ARFGAP1: variants seen among roughly 807,000 people sequenced by gnomAD.
The protein encoded by ARFGAP1 is ARF GTPase activating protein 1, also known as ADP-ribosylation factor GTPase-activating protein 1.
In ARFGAP1, 26 loss-of-function variants were observed where a neutral mutation model predicts 54.0. The observed-to-expected ratio is 0.48, with a 90% CI of 0.35 to 0.67. The LOEUF (loss-of-function observed/expected upper bound fraction) is 0.67, where lower values mean the gene tolerates loss of function less well. Among genes scored for constraint, ARFGAP1 ranks in the 30% least tolerant of loss-of-function variants. The pLI is 0.00. For missense variants in ARFGAP1, 525 were observed against 535.8 expected, an observed-to-expected ratio of 0.98 and a Z score of 0.20; for synonymous variants, 248 against 211.9, an observed-to-expected ratio of 1.17 and a Z score of -1.48.
chr20:63,283,916 T>C, intron 9 of ARFGAP1: 1 of 1,611,340 alleles, frequency 6.2e-7, no homozygotes, highest in South Asian at 1.1e-5. Flanking sequence ...GCCGCCCGCA[T>C]CTCCGCCGAG....
In ARFGAP1 at chr20:63,278,937, C is replaced by T. The variant is rs1294273774; in HGVS notation, c.569C>T (p.Pro190Leu). 4 of 1,614,020 alleles carry T rather than the reference C, an allele frequency of 2.5e-6. No individual in the cohort carries two copies. In the African/African-American group the frequency reaches 5.3e-5, roughly 22 times the overall value. ...GNRYVGFGNTPPPQKKEDDFL... is the reference protein window; with the variant it reads ...GNRYVGFGNTLPPQKKEDDFL... ...CGCTACGTGGGGTTTGGGAACACGC[C>T]ACCGCCTCAGAAGAAAGAAGATGAC... The change falls in exon 7 of 13, where the codon CCA (proline) becomes CTA (leucine). Residue 190 changes from proline (P) to leucine (L), a missense_variant. This residue lies in a region of ARFGAP1 where 466 missense variants were observed against 453.6 expected (regional missense o/e 1.03). Transcript: ENST00000370283.
intron 9 of ARFGAP1, chr20:63,283,599 A>G (rs2067443477): frequency 2.0e-6 from 1 of 494,404 alleles, no homozygotes; most frequent in East Asian, 3.4e-5. Context: ...GCCCACCCCC[A>G]GCTGCAGGGA....
In ARFGAP1 at chr20:63,285,646, C is replaced by T. The variant is rs759726575; in HGVS notation, c.775-8C>T. On this transcript the variant is annotated splice_region_variant and splice_polypyrimidine_tract_variant and intron_variant, in intron 10 of 12. Coordinates refer to ENST00000370283, the MANE Select transcript of ARFGAP1 (RefSeq NM_018209.4). ...CCCCCATTAATGCCGCTGTCTTCATCCGTGCAGGTGAAGGAGGGAAAGATT... is the reference window on the plus strand; with the variant it reads ...CCCCCATTAATGCCGCTGTCTTCATTCGTGCAGGTGAAGGAGGGAAAGATT... The T allele has an allele frequency of 3.1e-6, 5 of 1,613,422 alleles. No individual in the cohort carries two copies. The highest frequency in any genetic ancestry group is 1.7e-5 in the Admixed American group (1 of 60,028).
At position 63,276,633 on chromosome 20, in the gene ARFGAP1, G is replaced by A. The variant is rs373697939; in HGVS notation, c.324G>A (p.Ala108=). ...AGGAGAAGTACAACAGCAGAGCCGC[G>A]GCCCTCTTTAGGGATAAGGTAGAGA... ...SLQEKYNSRA[A]ALFRDKVVAL... is the part of the protein sequence containing the mutation. Residue 108 remains alanine (A), a synonymous_variant, in exon 4 of 13, where the codon GCG becomes GCA. Transcript: ENST00000370283. This position sits in a 1 kb window ranked among gnomAD's most constrained non-coding sequence, Gnocchi z 5.2. 95 of 1,611,426 alleles carry A rather than the reference G, an allele frequency of 5.9e-5. No homozygotes were observed. The highest frequency in any genetic ancestry group is 5.0e-5 in the Admixed American group (3 of 59,828).
At position 63,276,473 on chromosome 20, in the gene ARFGAP1, T is replaced by A; in HGVS notation, c.171-7T>A. The A allele has an allele frequency of 6.2e-7, 1 of 1,608,180 alleles. No individual in the cohort carries two copies. Among genetic ancestry groups the A allele is most frequent in the Non-Finnish European group, 8.5e-7 (1 of 1,176,496 alleles). ...CTGGTTGATCTGCTCGATCCTCTGCTTTCCAGCTTTGTGCGCTCTGTTACT... is the reference window on the plus strand; with the variant it reads ...CTGGTTGATCTGCTCGATCCTCTGCATTCCAGCTTTGTGCGCTCTGTTACT... On this transcript the variant is annotated splice_polypyrimidine_tract_variant and splice_region_variant and intron_variant, in intron 3 of 12. Coordinates refer to ENST00000370283, the MANE Select transcript of ARFGAP1 (RefSeq NM_018209.4). This position sits in a 1 kb window ranked among gnomAD's most constrained non-coding sequence, Gnocchi z 5.2.
At chr20:63,284,973 C>G in intron 10 of ARFGAP1, 51 bp downstream of exon 10, 2 of 1,600,894 alleles carry the variant, frequency 1.2e-6, no homozygotes, top group East Asian at 4.5e-5. Context: ...CTCCAGGGGA[C>G]GTGGGTGTGT....
chr20:63,281,854 C>T (rs1183314944), intron 8 of ARFGAP1, among the ~76,000 whole-genome samples: 1 of 152,146 alleles, frequency 6.6e-6, no homozygotes, highest in Non-Finnish European at 1.5e-5. Context: ...GCATGGGCCC[C>T]CGGGGGCTGG....
At chr20:63,282,505 G>A (rs1414986214) in intron 8 of ARFGAP1, among the ~76,000 whole-genome samples, 2 of 152,228 alleles carry the variant, frequency 1.3e-5, no homozygotes, top group East Asian at 3.8e-4. Context: ...GCTCCAGCAG[G>A]CCCCGGCCCT....
At chr20:63,283,767 T>C in intron 9 of ARFGAP1, 11 of 1,508,774 alleles carry the variant, frequency 7.3e-6, no homozygotes, top group Non-Finnish European at 7.3e-6. Context: ...CGGCACCCCA[T>C]GGTGGGTTCG....
At chr20:63,287,500 A>G in intron 12 of ARFGAP1, 64 bp from the exon 13 acceptor site, 1 of 1,464,424 alleles carries the variant, frequency 6.8e-7, no homozygotes, top group Non-Finnish European at 9.2e-7. Context: ...TCTCGGGGGC[A>G]CAGAATTCCC....
chr20:63,288,428 G>A lies in ARFGAP1; in HGVS notation c.*555G>A, dbSNP rs1181265322. 8.8e-6 allele frequency: 4 copies of A among 456,106 alleles called. No homozygotes were observed. Among genetic ancestry groups the A allele is most frequent in the East Asian group, 1.4e-4 (2 of 14,390 alleles). The allele number at this position is 456,106 out of a possible 1,614,324, so 28.3% of individuals were successfully genotyped here. On this transcript the variant is annotated 3_prime_UTR_variant, in exon 13 of 13. Coordinates refer to ENST00000370283, the MANE Select transcript of ARFGAP1 (RefSeq NM_018209.4). ...CCCGAGTCCACGCCTGCCTGGGCCT[G>A]TGCTGTCAGACCCGCGTCGGTCGTA...
Position 63,277,318 on chromosome 20 carries a change from C to T in ARFGAP1, c.443+13C>T, listed in dbSNP as rs199680476. 7 of 1,608,564 alleles carry T rather than the reference C, an allele frequency of 4.4e-6. No individual in the cohort carries two copies. The highest frequency in any genetic ancestry group is 2.2e-5 in the East Asian group (1 of 44,734). ...CCATGGTGCACCGGTAGCTGCTCCT[C>T]GTGGGGCCTTAGTACAGTTTCCACT... On this transcript the variant is annotated intron_variant, in intron 5 of 12. Coordinates refer to ENST00000370283, the MANE Select transcript of ARFGAP1 (RefSeq NM_018209.4).
intron 7 of ARFGAP1, among the ~76,000 whole-genome samples, chr20:63,280,002 G>A (rs529970160): frequency 7.2e-5 from 11 of 152,282 alleles, no homozygotes; most frequent in Middle Eastern, 3.4e-3. Context: ...TTAGCCAGGC[G>A]GGGTGGCATG....
At chr20:63,279,088 A>G (rs1456808489) in intron 7 of ARFGAP1, 93 bp downstream of exon 7, 1 of 1,275,780 alleles carries the variant, frequency 7.8e-7, no homozygotes, top group Non-Finnish European at 1.1e-6. Flanking sequence ...GTCCTGGAAC[A>G]TGTGCTCTTT....
At chr20:63,283,273 G>T (rs1489045670) in intron 9 of ARFGAP1, 4 of 236,044 alleles carry the variant, frequency 1.7e-5, no homozygotes, top group Non-Finnish European at 3.3e-5. Flanking sequence ...GCTCTGGCCA[G>T]GGCTTCCCCC....
intron 9 of ARFGAP1, chr20:63,284,008 C>T (rs1484858557): frequency 4.0e-6 from 6 of 1,504,948 alleles, no homozygotes; most frequent in East Asian, 2.3e-5. Flanking sequence ...CAGACCCTCT[C>T]CCTGGCCTCG....
intron 8 of ARFGAP1, 96 bp from the exon 9 acceptor site, chr20:63,282,721 TGA>T: frequency 7.5e-7 from 1 of 1,327,728 alleles, no homozygotes; most frequent in Non-Finnish European, 1.1e-6. Context: ...CGGGGGCCAT[TGA>T]GAGACAGTCC....
rs373944258 is a variant in ARFGAP1 at position 63,284,863 on chromosome 20, C to T, written c.718-3C>T. The T allele has an allele frequency of 7.9e-5, 127 of 1,612,624 alleles. 1 individual carries two copies. The highest frequency in any genetic ancestry group is 4.1e-4 in the South Asian group (37 of 91,084). ...GGGGCTCACGTGACTTCCCTTCCTACAGGCGTCCGAGCTGGGCCACAGCCT... is the reference window on the plus strand; with the variant it reads ...GGGGCTCACGTGACTTCCCTTCCTATAGGCGTCCGAGCTGGGCCACAGCCT... On this transcript the variant is annotated splice_polypyrimidine_tract_variant and splice_region_variant and intron_variant, in intron 9 of 12. Coordinates refer to ENST00000370283, the MANE Select transcript of ARFGAP1 (RefSeq NM_018209.4).
At position 63,288,276 on chromosome 20, in the gene ARFGAP1, C is replaced by T. The variant is rs575224036; in HGVS notation, c.*403C>T. On this transcript the variant is annotated 3_prime_UTR_variant, in exon 13 of 13. Transcript: ENST00000370283. ...CTGTCAGCGACGTGAGGTGTCCCTT[C>T]TCGTTGAGATATTTAACTTTGGTTT... 4.0e-6 allele frequency: 2 copies of T among 500,702 alleles called. No homozygotes were observed. The highest frequency in any genetic ancestry group is 3.1e-5 in the South Asian group (2 of 64,942). The allele number at this position is 500,702 out of a possible 1,614,324, so 31.0% of individuals were successfully genotyped here.
Sources: gnomAD v4.1 joint callset for allele counts (sites outside exome capture counted in the v4.1 genomes callset) on GRCh38, gnomAD v4.1.1 for gene constraint, gnomAD v4.1.1 regional missense constraint, Gnocchi (gnomAD v3.1) non-coding constraint, MANE v1.5 for transcripts, NCBI Gene and HGNC (gene_info 2026-07-23, HGNC 2026-07-21) for gene names.